Variants in DOCK3 observed in about 807,000 individuals in gnomAD.
DOCK3 encodes the protein dedicator of cytokinesis 3, also known as dedicator of cytokinesis protein 3.
In DOCK3, 60 loss-of-function variants were observed where a neutral mutation model predicts 265.6. The observed-to-expected ratio is 0.23, with a 90% CI of 0.18 to 0.28. The LOEUF (loss-of-function observed/expected upper bound fraction) is 0.28. DOCK3 is among the 10% of genes least tolerant of loss of function. DOCK3 has a pLI of 1.00. For synonymous variants in DOCK3, 881 were observed against 938.0 expected (o/e 0.94, Z 1.11); for missense variants, 1,981 against 2,594.3 (o/e 0.76, Z 5.14).
intron 14 of DOCK3, among the ~76,000 whole-genome samples, chr3:51,221,362 A>G (rs1196393574): frequency 6.6e-6 from 1 of 152,170 alleles, no homozygotes; most frequent in African/African-American, 2.4e-5. Context: ...GGTATCAGTA[A>G]ACTATAGCCT....
intron 1 of DOCK3, among the ~76,000 whole-genome samples, chr3:50,712,086 C>A (rs2036810311): frequency 6.6e-6 from 1 of 152,078 alleles, no homozygotes; most frequent in African/African-American, 2.4e-5. Flanking sequence ...CAACTAAAGG[C>A]CTGTCACATT....
chr3:50,747,733 G>A (rs143459265), intron 1 of DOCK3, among the ~76,000 whole-genome samples: 1,700 of 152,014 alleles, frequency 0.011, 43 homozygotes, highest in African/African-American at 0.039. Flanking sequence ...GCATGGTGGC[G>A]CATGCCTATA....
At chr3:50,852,887 T>C (rs917359812) in intron 3 of DOCK3, among the ~76,000 whole-genome samples, 2 of 152,222 alleles carry the variant, frequency 1.3e-5, no homozygotes, top group Non-Finnish European at 2.9e-5. Flanking sequence ...CTTTACAGTA[T>C]TTCTTTTTAA....
Position 51,383,540 on chromosome 3 carries a change from A to G in DOCK3, c.*1981A>G, listed in dbSNP as rs952851135. 1 of 152,348 alleles carries G rather than the reference A, an allele frequency of 6.6e-6. No individual in the cohort carries two copies. Among genetic ancestry groups the G allele is most frequent in the East Asian group, 1.9e-4 (1 of 5,202 alleles). 9.4% of individuals were successfully genotyped at this position (152,348 alleles called of 1,614,324 possible). On this transcript the variant is annotated 3_prime_UTR_variant, in exon 53 of 53. Transcript: ENST00000266037. ...AATCCCTGGACAAGGCAGTCATCAC[A>G]TAAGAACAGCTACCTTCTCCACTTG... is the stretch of plus-strand genomic sequence containing the variant.
At chr3:51,251,901 ATTACTTT>A (rs2079265561) in intron 22 of DOCK3, among the ~76,000 whole-genome samples, 1 of 152,194 alleles carries the variant, frequency 6.6e-6, no homozygotes, top group Non-Finnish European at 1.5e-5. Context: ...TTTTGTTGCC[ATTACTTT>A]TGGTGTTTTA....
intron 3 of DOCK3, among the ~76,000 whole-genome samples, chr3:50,868,457 C>T (rs2047253154): frequency 6.6e-6 from 1 of 152,080 alleles, no homozygotes; most frequent in African/African-American, 2.4e-5. Flanking sequence ...ACTTCAGCTT[C>T]AACCTCCCTG....
At chr3:50,773,410 G>T (rs1371399965) in intron 1 of DOCK3, among the ~76,000 whole-genome samples, 1 of 152,078 alleles carries the variant, frequency 6.6e-6, no homozygotes, top group African/African-American at 2.4e-5. Context: ...CAATGTAGAA[G>T]GAAGATAGTT....
chr3:50,693,027 A>G (rs987689008), intron 1 of DOCK3, among the ~76,000 whole-genome samples: 1 of 152,164 alleles, frequency 6.6e-6, no homozygotes, highest in African/African-American at 2.4e-5. Context: ...GTCGAGTATC[A>G]TTTGACAATA....
intron 4 of DOCK3, among the ~76,000 whole-genome samples, chr3:50,923,375 C>T (rs2108058982): frequency 6.6e-6 from 1 of 152,160 alleles, no homozygotes; most frequent in East Asian, 1.9e-4. Flanking sequence ...TATTTTTAGT[C>T]TTTTGTCATG....
chr3:50,723,104 A>G (rs1559552921), intron 1 of DOCK3, among the ~76,000 whole-genome samples: 1 of 152,216 alleles, frequency 6.6e-6, no homozygotes, highest in Non-Finnish European at 1.5e-5. Flanking sequence ...GGAAATGAAA[A>G]CTGAAAAGAA....
intron 4 of DOCK3, among the ~76,000 whole-genome samples, chr3:50,921,728 A>C (rs893005251): frequency 3.3e-5 from 5 of 151,718 alleles, no homozygotes; most frequent in Non-Finnish European, 5.9e-5. Flanking sequence ...ATACAGCTGG[A>C]GTTTTGGTGT....
chr3:50,880,031 G>A (rs1018755921), intron 3 of DOCK3, among the ~76,000 whole-genome samples: 7 of 152,128 alleles, frequency 4.6e-5, no homozygotes, highest in African/African-American at 1.7e-4. Flanking sequence ...CTGAATGACT[G>A]CTGGGTACAT....
At chr3:51,034,861 T>A (rs1253585619) in intron 5 of DOCK3, among the ~76,000 whole-genome samples, 1 of 152,096 alleles carries the variant, frequency 6.6e-6, no homozygotes, top group Non-Finnish European at 1.5e-5. Context: ...AGATATAGAA[T>A]TCTGGGATGA....
At chr3:51,021,828 A>AT (rs1403243306) in intron 5 of DOCK3, among the ~76,000 whole-genome samples, 1 of 151,636 alleles carries the variant, frequency 6.6e-6, no homozygotes, top group African/African-American at 2.4e-5. Flanking sequence ...CGCCTGGCTA[A>AT]TTTTTTGTAT....
At chr3:51,119,170 A>G (rs932719363) in intron 9 of DOCK3, among the ~76,000 whole-genome samples, 5 of 152,176 alleles carry the variant, frequency 3.3e-5, no homozygotes, top group African/African-American at 1.2e-4. Context: ...GTAGTGACAC[A>G]ATCCCTCAAC....
rs530741469 is a variant in DOCK3 at position 50,823,310 on chromosome 3, C to G, written c.122-18365C>G. ...CCTAGGCAGAGGACCCTGCGGCCTT[C>G]CGGCCTTCCACAGTGTTTGTGTCCC... On this transcript the variant is annotated intron_variant, in intron 2 of 52. Transcript: ENST00000266037. 4.6e-5 allele frequency among the ~76,000 whole-genome samples: 7 copies of G among 152,258 alleles called. 2 individuals are homozygous for G. Among genetic ancestry groups the G allele is most frequent in the African/African-American group, 1.7e-4 (7 of 41,532 alleles).
rs1453307495 is a variant in DOCK3, at chr3:50,817,786, T to C, written c.122-23889T>C. 2.0e-5 allele frequency among the ~76,000 whole-genome samples: 3 copies of C among 152,308 alleles called. No homozygotes were observed. The East Asian group carries it at 5.8e-4, about 29-fold the overall frequency. On this transcript the variant is annotated intron_variant, in intron 2 of 52. Transcript: ENST00000266037. ...CTGTTTTGACTTTTGTGCTTTGTGC[T>C]AAAGGCTTTGTTTAAATGGCTGCTG...
At chr3:51,340,193 G>C (rs1357652685) in intron 37 of DOCK3, among the ~76,000 whole-genome samples, 3 of 152,186 alleles carry the variant, frequency 2.0e-5, no homozygotes, top group Non-Finnish European at 2.9e-5. Context: ...GAGAGGCTGG[G>C]TCAGGGATTT....
chr3:51,268,182 A>G (rs749963376), intron 23 of DOCK3, among the ~76,000 whole-genome samples: 4 of 152,194 alleles, frequency 2.6e-5, no homozygotes, highest in Non-Finnish European at 5.9e-5. Flanking sequence ...TAGATTCAAT[A>G]TTAGAAATAT....
Sources: gnomAD v4.1 joint callset for allele counts (sites outside exome capture counted in the v4.1 genomes callset) on GRCh38, gnomAD v4.1.1 for gene constraint, MANE v1.5 for transcripts, NCBI Gene and HGNC (gene_info 2026-07-23, HGNC 2026-07-21) for gene names.